LRBA: variants seen among roughly 807,000 people sequenced by gnomAD.
LRBA encodes the protein LPS responsive beige-like anchor protein.
A neutral mutation model predicts 330.0 loss-of-function variants in LRBA; 176 were observed. The ratio of observed to expected loss-of-function variants is 0.53; its 90% CI spans 0.47 to 0.60. The LOEUF (loss-of-function observed/expected upper bound fraction) is 0.60, where lower values mean the gene tolerates loss of function less well. LRBA is among the 20% of genes least tolerant of loss of function. The pLI is 0.00. For missense variants in LRBA, 3,259 were observed against 3,444.8 expected (o/e 0.95, Z 1.35); for synonymous variants, 1,230 against 1,193.0 (o/e 1.03, Z -0.64).
intron 36 of LRBA, among the ~76,000 whole-genome samples, chr4:150,704,452 A>G (rs1785418523): frequency 6.6e-6 from 1 of 151,970 alleles, no homozygotes. Flanking sequence ...TTAATGAATT[A>G]AAACACAAAA....
At chr4:151,007,583 C>A (rs1162873295) in intron 2 of LRBA, among the ~76,000 whole-genome samples, 1 of 150,748 alleles carries the variant, frequency 6.6e-6, no homozygotes, top group Middle Eastern at 3.5e-3. Context: ...GTAGGCCGGG[C>A]GCGGTGTCTC....
chr4:150,633,011 T>C (rs1417245261), intron 37 of LRBA, among the ~76,000 whole-genome samples: 1 of 152,220 alleles, frequency 6.6e-6, no homozygotes, highest in Non-Finnish European at 1.5e-5. Context: ...CCCACATGTA[T>C]GTGAACTCCA....
chr4:150,411,126 A>G (rs1203269515), intron 47 of LRBA, among the ~76,000 whole-genome samples: 1 of 152,212 alleles, frequency 6.6e-6, no homozygotes, highest in Non-Finnish European at 1.5e-5. Flanking sequence ...CCCTGATTCC[A>G]ACTGTTCAGA....
At chr4:150,443,870 ATATTTTTTT>A (rs1561185820) in intron 44 of LRBA, among the ~76,000 whole-genome samples, 1 of 47,088 alleles carries the variant, frequency 2.1e-5, no homozygotes, top group Non-Finnish European at 5.5e-5. Context: ...ATATATATAT[ATATTTTTTT>A]TTTTTTTTTT....
intron 35 of LRBA, among the ~76,000 whole-genome samples, chr4:150,735,618 T>C (rs1370703965): frequency 6.6e-6 from 1 of 152,192 alleles, no homozygotes; most frequent in Admixed American, 6.5e-5. Context: ...TGGATTAAAG[T>C]TGTGTTTTAA....
chr4:150,904,659 T>C (rs953868658), intron 13 of LRBA, among the ~76,000 whole-genome samples: 4 of 152,056 alleles, frequency 2.6e-5, no homozygotes, highest in African/African-American at 9.7e-5. Flanking sequence ...ATTTTAAAAG[T>C]AACTTGAAAC....
intron 47 of LRBA, among the ~76,000 whole-genome samples, chr4:150,402,125 C>CT (rs1173698619): frequency 8.3e-6 from 1 of 120,932 alleles, no homozygotes; most frequent in Non-Finnish European, 1.6e-5. Context: ...GCCATCTCTA[C>CT]TAAAAAAAAA....
chr4:150,357,243 G>A (rs190283357), intron 47 of LRBA, among the ~76,000 whole-genome samples: 158 of 152,100 alleles, frequency 1.0e-3, no homozygotes, highest in African/African-American at 3.6e-3. Context: ...TAACTATCAA[G>A]CACTCGTGCA....
intron 48 of LRBA, among the ~76,000 whole-genome samples, chr4:150,330,543 T>C (rs1355997399): frequency 6.6e-6 from 1 of 152,186 alleles, no homozygotes; most frequent in Non-Finnish European, 1.5e-5. Context: ...GAAACCGTTT[T>C]ACCTGAGATG....
intron 40 of LRBA, among the ~76,000 whole-genome samples, chr4:150,525,860 C>T (rs1257266660): frequency 6.6e-6 from 1 of 152,000 alleles, no homozygotes; most frequent in Non-Finnish European, 1.5e-5. Flanking sequence ...TACAAATAAG[C>T]TCTATTTTAT....
At chr4:150,681,947 CTA>C (rs1424778445) in intron 37 of LRBA, among the ~76,000 whole-genome samples, 5 of 152,176 alleles carry the variant, frequency 3.3e-5, no homozygotes, top group Admixed American at 2.0e-4. Context: ...TTCAGGAAAA[CTA>C]TGTTTTCCTT....
chr4:150,474,612 A>G (rs1050157808), intron 42 of LRBA, among the ~76,000 whole-genome samples: 1 of 152,126 alleles, frequency 6.6e-6, no homozygotes, highest in Admixed American at 6.6e-5. Context: ...GAATCTTCTG[A>G]TCCATGAACA....
chr4:150,813,319 G>A (rs1392914049), intron 31 of LRBA, among the ~76,000 whole-genome samples: 4 of 151,934 alleles, frequency 2.6e-5, no homozygotes, highest in African/African-American at 7.2e-5. Context: ...GCATATACAA[G>A]GATATGCCTT....
At chr4:150,520,660 T>C (rs996901944) in intron 40 of LRBA, among the ~76,000 whole-genome samples, 2 of 152,144 alleles carry the variant, frequency 1.3e-5, no homozygotes, top group African/African-American at 2.4e-5. Flanking sequence ...CTAGAGGTCA[T>C]TGTCCTAAGC....
chr4:150,899,286 A>AG (rs1730463417), intron 14 of LRBA, among the ~76,000 whole-genome samples: 1 of 152,194 alleles, frequency 6.6e-6, no homozygotes, highest in Non-Finnish European at 1.5e-5. Context: ...CGGATGTGAA[A>AG]GGGGACCGGC....
At chr4:150,487,266 A>T (rs1757994003) in intron 42 of LRBA, among the ~76,000 whole-genome samples, 1 of 150,686 alleles carries the variant, frequency 6.6e-6, no homozygotes, top group African/African-American at 2.4e-5. Flanking sequence ...GATATATATT[A>T]TATATATATG....
At chr4:150,538,814 C>CAAAAAAAA (rs35022729) in intron 40 of LRBA, among the ~76,000 whole-genome samples, 1 of 101,296 alleles carries the variant, frequency 9.9e-6, no homozygotes, top group Non-Finnish European at 2.1e-5. Context: ...GGCCCTGTCT[C>CAAAAAAAA]AAAAAAAAAA....
At chr4:150,282,372 T>G in intron 55 of LRBA, 78 bp downstream of exon 55, 5 of 1,323,562 alleles carry the variant, frequency 3.8e-6, no homozygotes, top group Non-Finnish European at 5.3e-6. Context: ...GAGGTTTCTT[T>G]CGCGAACCCT....
intron 17 of LRBA, among the ~76,000 whole-genome samples, chr4:150,885,242 AATAGGG>A (rs1237512197): frequency 6.6e-6 from 1 of 151,980 alleles, no homozygotes; most frequent in African/African-American, 2.4e-5. Context: ...CATCTGAAGA[AATAGGG>A]ATAAAATCTT....
Sources: allele counts gnomAD v4.1 joint callset (sites outside exome capture counted in the v4.1 genomes callset), GRCh38; gene constraint gnomAD v4.1.1; transcripts MANE v1.5; gene names NCBI Gene and HGNC (gene_info 2026-07-23, HGNC 2026-07-21).